The following PPM1G variants were observed in gnomAD, a reference collection of about 807,000 sequenced individuals.
The protein encoded by PPM1G is protein phosphatase 1G.
Under a neutral mutation model 59.4 loss-of-function variants are expected in PPM1G, and 12 were observed. The observed-to-expected ratio is 0.20, with a 90% CI of 0.13 to 0.33. The LOEUF (loss-of-function observed/expected upper bound fraction) is 0.33. PPM1G is among the 10% of genes least tolerant of loss of function. The probability of loss-of-function intolerance (pLI) is 1.00; values close to 1 mark genes in which losing one functional copy is unlikely to be tolerated. For missense variants in PPM1G, 392 were observed against 681.3 expected (o/e 0.58, Z 4.73); for synonymous variants, 245 against 251.9 (o/e 0.97, Z 0.26).
chr2:27,381,863 A>C, intron 9 of PPM1G, 58 bp from the exon 10 acceptor site: 1 of 1,552,476 alleles, frequency 6.4e-7, no homozygotes, highest in South Asian at 1.1e-5. Context: ...CCAGGAATCT[A>C]CAGTCCCACA....
At chr2:27,409,174 C>G in intron 1 of PPM1G, 129 bp downstream of exon 1, 1 of 1,330,468 alleles carries the variant, frequency 7.5e-7, no homozygotes, top group Non-Finnish European at 9.8e-7. Context: ...TCTGTCGCCC[C>G]GCAAACGGCC....
chr2:27,409,558 G>A lies in PPM1G; in HGVS notation c.-136C>T, dbSNP rs1420973920. On this transcript the variant is annotated 5_prime_UTR_variant, in exon 1 of 10. Transcript: ENST00000344034. ...GCAAGGTGCCGGTGAAAGGCGCGAG[G>A]CCGGCCAGGAGGCGGTAACGGGACG... 5 of 1,175,100 alleles carry A rather than the reference G, an allele frequency of 4.3e-6. No homozygotes were observed. The highest frequency in any genetic ancestry group is 2.3e-5 in the South Asian group (1 of 43,952). The allele number at this position is 1,175,100 out of a possible 1,614,324, so 72.8% of individuals were successfully genotyped here.
At chr2:27,395,542 A>AAAAC (rs906643287) in intron 1 of PPM1G, among the ~76,000 whole-genome samples, 3 of 152,032 alleles carry the variant, frequency 2.0e-5, no homozygotes, top group African/African-American at 7.2e-5. Context: ...AACACAAAAC[A>AAAAC]AAACAAACAA....
chr2:27,399,146 A>AAACAACAAC (rs142026887), intron 1 of PPM1G, among the ~76,000 whole-genome samples: 55,144 of 150,334 alleles, frequency 0.37, 10,433 homozygotes, highest in African/African-American at 0.43. Flanking sequence ...CCCCCGACCA[A>AAACAACAAC]AACAACAACA....
In PPM1G at chr2:27,384,612, A is replaced by G; in HGVS notation, c.825+61T>C. 2 of 1,526,384 alleles carry G rather than the reference A, an allele frequency of 1.3e-6. No homozygotes were observed. The highest frequency in any genetic ancestry group is 1.8e-6 in the Non-Finnish European group (2 of 1,135,014). 94.6% of individuals were successfully genotyped at this position (1,526,384 alleles called of 1,614,324 possible). On this transcript the variant is annotated intron_variant, in intron 5 of 9. Transcript: ENST00000344034. The surrounding 1 kb of genome is among the most constrained non-coding windows in gnomAD (Gnocchi z 4.8). ...AAGGAAAGAGAGTTGAAAACTACAG[A>G]CGGCAACCAAACAGGACCTCTCTGC... is the stretch of plus-strand genomic sequence containing the variant.
Position 27,409,434 on chromosome 2 carries a change from G to T in PPM1G, c.-12C>A. On this transcript the variant is annotated 5_prime_UTR_variant, in exon 1 of 10. Coordinates refer to ENST00000344034, the MANE Select transcript of PPM1G (RefSeq NM_177983.3). ...AGGTAGGCACCCATGGCGGCGGCTGGCCGGCGGCCTCAGGTGCAGGAAAGC... is the reference window on the plus strand; with the variant it reads ...AGGTAGGCACCCATGGCGGCGGCTGTCCGGCGGCCTCAGGTGCAGGAAAGC... 6.7e-7 allele frequency: 1 copy of T among 1,503,692 alleles called. No homozygotes were observed. Among genetic ancestry groups the T allele is most frequent in the South Asian group, 1.3e-5 (1 of 79,868 alleles). The allele number at this position is 1,503,692 out of a possible 1,614,324, so 93.1% of individuals were successfully genotyped here. A position where few individuals can be genotyped will look rare whatever the true frequency, so the allele number is the denominator to read the frequency against.
chr2:27,391,699 T>C (rs550140306), intron 1 of PPM1G, among the ~76,000 whole-genome samples: 2 of 152,164 alleles, frequency 1.3e-5, no homozygotes, highest in South Asian at 4.1e-4. Context: ...TCTATACCTC[T>C]GACTGCCTGT....
chr2:27,405,999 G>A lies in PPM1G; in HGVS notation c.120+3304C>T, dbSNP rs188323807. 2.0e-4 allele frequency among the ~76,000 whole-genome samples: 30 copies of A among 152,080 alleles called. No homozygotes were observed. The East Asian group carries it at 3.1e-3, about 16-fold the overall frequency. ...GCCTGGGCAACAAGATAGAAACTCC[G>A]TCTCAAAAACAAAACAAAACAAAAC... On this transcript the variant is annotated intron_variant, in intron 1 of 9. Coordinates refer to ENST00000344034, the MANE Select transcript of PPM1G (RefSeq NM_177983.3).
chr2:27,394,782 AATG>A (rs1418122246), intron 1 of PPM1G, among the ~76,000 whole-genome samples: 2 of 151,284 alleles, frequency 1.3e-5, no homozygotes, highest in African/African-American at 4.9e-5. Context: ...TTGCAACTGG[AATG>A]ATATTTCATT....
chr2:27,385,474 A>G lies in PPM1G; in HGVS notation c.409+273T>C. 1 of 445,708 alleles carries G rather than the reference A, an allele frequency of 2.2e-6. No individual in the cohort carries two copies. Among genetic ancestry groups the G allele is most frequent in the Non-Finnish European group, 3.9e-6 (1 of 256,498 alleles). 27.6% of individuals were successfully genotyped at this position (445,708 alleles called of 1,614,324 possible). ...TGCTCCAGTCTTGAGGGGAAAAAAA[A>G]GCACATAAATACTAGCAGGAACCAG... On this transcript the variant is annotated intron_variant, in intron 4 of 9. Transcript: ENST00000344034. This position sits in a 1 kb window ranked among gnomAD's most constrained non-coding sequence, Gnocchi z 4.1.
At chr2:27,387,192 A>T in intron 1 of PPM1G, 34 bp from the exon 2 acceptor site, 1 of 1,559,662 alleles carries the variant, frequency 6.4e-7, no homozygotes, top group Non-Finnish European at 8.8e-7. Flanking sequence ...GCATGTCTCA[A>T]GGTCGAAGAA....
At chr2:27,392,317 G>A (rs1217111587) in intron 1 of PPM1G, among the ~76,000 whole-genome samples, 2 of 132,766 alleles carry the variant, frequency 1.5e-5, no homozygotes, top group East Asian at 2.3e-4. Context: ...TTTTGAGAGA[G>A]AGAATGTCTC....
intron 1 of PPM1G, among the ~76,000 whole-genome samples, chr2:27,402,681 C>T (rs1353696839): frequency 6.6e-6 from 1 of 151,560 alleles, no homozygotes; most frequent in African/African-American, 2.4e-5. Flanking sequence ...TGGTGGCGGG[C>T]GCCTGTAGTC....
chr2:27,405,021 C>CGG (rs1478406890), intron 1 of PPM1G, among the ~76,000 whole-genome samples: 3 of 53,096 alleles, frequency 5.7e-5, no homozygotes, highest in Non-Finnish European at 1.1e-4. Context: ...CCAACAAAAA[C>CGG]TCAAGGGCCT....
rs974575019 is a variant in PPM1G at position 27,381,273 on chromosome 2, G to T, written c.*326C>A. ...AGAGAGCGGGTGCAAGCGGCCGAGG[G>T]CCATGGAGCCGCCAATAAAAAAGAA... On this transcript the variant is annotated 3_prime_UTR_variant, in exon 10 of 10. Coordinates refer to ENST00000344034, the MANE Select transcript of PPM1G (RefSeq NM_177983.3). 2 of 416,816 alleles carry T rather than the reference G, an allele frequency of 4.8e-6. No homozygotes were observed. The highest frequency in any genetic ancestry group is 4.0e-5 in the African/African-American group (2 of 50,020). 25.8% of individuals were successfully genotyped at this position (416,816 alleles called of 1,614,324 possible). A position where few individuals can be genotyped will look rare whatever the true frequency, so the allele number is the denominator to read the frequency against.
intron 1 of PPM1G, among the ~76,000 whole-genome samples, chr2:27,388,725 A>G (rs1257155976): frequency 6.6e-6 from 1 of 151,544 alleles, no homozygotes; most frequent in East Asian, 1.9e-4. Flanking sequence ...AATACAAAAA[A>G]TTAGCTGGAG....
chr2:27,388,013 T>C (rs1470993617), intron 1 of PPM1G, among the ~76,000 whole-genome samples: 1 of 151,012 alleles, frequency 6.6e-6, no homozygotes, highest in Non-Finnish European at 1.5e-5. Flanking sequence ...TTAGCCAGAA[T>C]GGTCTCGATC....
Position 27,385,003 on chromosome 2 carries a change from G to C in PPM1G, c.495C>G (p.His165Gln). The C allele has an allele frequency of 6.2e-7, 1 of 1,614,170 alleles. No homozygotes were observed. The highest frequency in any genetic ancestry group is 1.1e-5 in the South Asian group (1 of 91,080). Residue 165 changes from histidine to glutamine, a missense_variant, in exon 5 of 10, where the codon CAC becomes CAG. Physicochemically the swap from His to Gln is conservative, Grantham distance 24 (BLOSUM62 0). Transcript: ENST00000344034. This position sits in a 1 kb window ranked among gnomAD's most constrained non-coding sequence, Gnocchi z 4.1. The stretch of plus-strand genomic sequence containing the variant: ...CAGATTTGCTGTGGGGAGGGCCCTT[G>C]TGACAGTTCTGCCCGTAGCGTGTCA... ...ELLTRYGQNC[H>Q]KGPPHSKSGG...
chr2:27,397,605 A>G (rs1684082546), intron 1 of PPM1G, among the ~76,000 whole-genome samples: 1 of 152,178 alleles, frequency 6.6e-6, no homozygotes, highest in Non-Finnish European at 1.5e-5. Context: ...GATCATCACA[A>G]TAGGTATTAT....
Sources: gnomAD v4.1 joint callset for allele counts (sites outside exome capture counted in the v4.1 genomes callset) on GRCh38, gnomAD v4.1.1 for gene constraint, Gnocchi (gnomAD v3.1) non-coding constraint, MANE v1.5 for transcripts, NCBI Gene and HGNC (gene_info 2026-07-23, HGNC 2026-07-21) for gene names.